RIMS2: variants seen among roughly 807,000 people sequenced by gnomAD.
The protein encoded by RIMS2 is regulating synaptic membrane exocytosis 2, also known as regulating synaptic membrane exocytosis protein 2.
RIMS2 carries 59 observed loss-of-function variants against 174.4 expected under a neutral mutation model. The ratio of observed to expected loss-of-function variants is 0.34; its 90% CI spans 0.27 to 0.42. The LOEUF is 0.42. RIMS2 is among the 10% of genes least tolerant of loss of function. The pLI, the probability that RIMS2 is intolerant of heterozygous loss-of-function variation, is 1.00. For synonymous variants in RIMS2, 606 were observed against 572.5 expected (o/e 1.06, Z -0.84); for missense variants, 1,620 against 1,666.3 (o/e 0.97, Z 0.48).
At position 103,738,758 on chromosome 8, in the gene RIMS2, G is replaced by A. The variant is rs563983125; in HGVS notation, c.388-27469G>A. Among the ~76,000 whole-genome samples, 48 of 152,272 alleles carry A rather than the reference G, an allele frequency of 3.2e-4. No individual in the cohort carries two copies. The South Asian group carries it at 9.5e-3, about 30-fold the overall frequency. On this transcript the variant is annotated intron_variant, in intron 2 of 23. Transcript: ENST00000504942. ...CTTCTCAAAAGAAGACATTTATGCA[G>A]CCAACAGACACATGAAAAAATGCTC...
At chr8:103,828,595 A>G (rs2098806059) in intron 3 of RIMS2, among the ~76,000 whole-genome samples, 1 of 151,616 alleles carries the variant, frequency 6.6e-6, no homozygotes, top group African/African-American at 2.4e-5. Flanking sequence ...CCACTTGTCA[A>G]TTTTTGGTTT....
At chr8:103,619,185 A>T (rs1287344785) in intron 1 of RIMS2, among the ~76,000 whole-genome samples, 4 of 151,928 alleles carry the variant, frequency 2.6e-5, no homozygotes, top group Non-Finnish European at 4.4e-5. Flanking sequence ...ACCAAGAGAT[A>T]TGGCAAGAAA....
intron 1 of RIMS2, among the ~76,000 whole-genome samples, chr8:103,517,055 G>A (rs1254573754): frequency 6.6e-6 from 1 of 152,126 alleles, no homozygotes; most frequent in Non-Finnish European, 1.5e-5. Context: ...ACTAATTTAG[G>A]AAACAGAGAG....
chr8:103,776,663 G>A (rs1305659156), intron 3 of RIMS2, among the ~76,000 whole-genome samples: 2 of 151,898 alleles, frequency 1.3e-5, no homozygotes, highest in Non-Finnish European at 2.9e-5. Context: ...CAAATTTTTT[G>A]TTGACATTTG....
Position 103,855,281 on chromosome 8 carries a change from T to C in RIMS2, c.699-30017T>C, listed in dbSNP as rs1366582864. ...TTAATCTAGTTATCTATCAATCTTG[T>C]TTATTTTTTCAAGTAACAAACTCTT... On this transcript the variant is annotated intron_variant, in intron 3 of 23. Transcript: ENST00000504942. Among the ~76,000 whole-genome samples the C allele has an allele frequency of 2.0e-5, 3 of 152,048 alleles. No homozygotes were observed. The East Asian group carries it at 5.8e-4, about 29-fold the overall frequency.
intron 3 of RIMS2, among the ~76,000 whole-genome samples, chr8:103,846,907 C>T (rs186733346): frequency 6.6e-6 from 1 of 152,228 alleles, no homozygotes; most frequent in East Asian, 1.9e-4. Flanking sequence ...TATGGTTTCC[C>T]ATTTATAGTT....
intron 1 of RIMS2, among the ~76,000 whole-genome samples, chr8:103,519,902 A>G (rs1830820739): frequency 1.3e-5 from 2 of 152,064 alleles, no homozygotes; most frequent in South Asian, 4.1e-4. Flanking sequence ...TGTAGTCTAA[A>G]TCTAATCAAT....
intron 2 of RIMS2, among the ~76,000 whole-genome samples, chr8:103,760,567 A>T (rs569157896): frequency 6.6e-6 from 1 of 152,298 alleles, no homozygotes; most frequent in South Asian, 2.1e-4. Flanking sequence ...GACACCATGG[A>T]TCTGATCATG....
chr8:103,768,638 A>G, intron 3 of RIMS2: 2 of 912,774 alleles, frequency 2.2e-6, no homozygotes, highest in Non-Finnish European at 3.7e-6. Flanking sequence ...GGAGATAAAA[A>G]TATTCCAGGA....
intron 19 of RIMS2, among the ~76,000 whole-genome samples, chr8:104,147,477 T>G (rs2098651082): frequency 6.6e-6 from 1 of 151,662 alleles, no homozygotes; most frequent in African/African-American, 2.4e-5. Context: ...AGAAAACACT[T>G]TTTTTTTTCT....
intron 3 of RIMS2, chr8:103,768,666 G>C: frequency 1.2e-6 from 1 of 810,734 alleles, no homozygotes; most frequent in Non-Finnish European, 2.2e-6. Flanking sequence ...ATACTACGAT[G>C]CCTCATCACC....
At chr8:104,153,151 C>T (rs1600101129) in intron 19 of RIMS2, among the ~76,000 whole-genome samples, 1 of 152,240 alleles carries the variant, frequency 6.6e-6, no homozygotes, top group African/African-American at 2.4e-5. Context: ...TCTCTTCTGT[C>T]ACACTATTTG....
chr8:103,834,312 ATCTTT>A (rs1430159025), intron 3 of RIMS2, among the ~76,000 whole-genome samples: 3 of 147,968 alleles, frequency 2.0e-5, no homozygotes, highest in Non-Finnish European at 3.0e-5. Context: ...TAAATTAAAA[ATCTTT>A]TCTTTTTTCT....
At chr8:103,621,499 T>G (rs2095634607) in intron 1 of RIMS2, among the ~76,000 whole-genome samples, 2 of 152,254 alleles carry the variant, frequency 1.3e-5, no homozygotes, top group Non-Finnish European at 2.9e-5. Flanking sequence ...AATGCTTGCT[T>G]GGACCAGTAT....
At chr8:104,214,311 C>A (rs1160002503) in intron 19 of RIMS2, among the ~76,000 whole-genome samples, 1 of 152,088 alleles carries the variant, frequency 6.6e-6, no homozygotes, top group Non-Finnish European at 1.5e-5. Context: ...AGCCACTCAC[C>A]TTATTGTGGA....
intron 1 of RIMS2, among the ~76,000 whole-genome samples, chr8:103,543,433 A>G (rs958828684): frequency 2.0e-5 from 3 of 152,212 alleles, no homozygotes. Context: ...TGTTCATACT[A>G]CTCAAAACTA....
intron 8 of RIMS2, among the ~76,000 whole-genome samples, chr8:103,917,443 A>T (rs772183383): frequency 1.3e-4 from 20 of 152,144 alleles, no homozygotes; most frequent in Non-Finnish European, 2.9e-4. Context: ...TTGTCCTTTC[A>T]TAGTTTTATA....
In RIMS2 at chr8:103,705,581, C is replaced by T. The variant is rs538950797; in HGVS notation, c.387+8285C>T. Among the ~76,000 whole-genome samples, 260 of 152,114 alleles carry T rather than the reference C, an allele frequency of 1.7e-3. 3 individuals carry two copies. The highest frequency in any genetic ancestry group is 6.0e-3 in the African/African-American group (249 of 41,520). On this transcript the variant is annotated intron_variant, in intron 2 of 23. Transcript: ENST00000504942. ...CACCAATGTTATCGTATTGCAATCTCTCTCTTCTTTTAGATGTAATAATAT... is the reference window on the plus strand; with the variant it reads ...CACCAATGTTATCGTATTGCAATCTTTCTCTTCTTTTAGATGTAATAATAT...
chr8:103,647,894 T>C (rs1445663779), intron 1 of RIMS2, among the ~76,000 whole-genome samples: 3 of 143,636 alleles, frequency 2.1e-5, no homozygotes, highest in African/African-American at 8.2e-5. Context: ...GATTTTTTTT[T>C]GATTTTTTTT....
Sources: gnomAD v4.1 joint callset for allele counts (sites outside exome capture counted in the v4.1 genomes callset) on GRCh38, gnomAD v4.1.1 for gene constraint, MANE v1.5 for transcripts, NCBI Gene and HGNC (gene_info 2026-07-23, HGNC 2026-07-21) for gene names.